Variants in OCIAD1 observed in about 807,000 individuals in gnomAD.
OCIAD1 encodes OCIA domain-containing protein 1.
Under a neutral mutation model 38.9 loss-of-function variants are expected in OCIAD1, and 29 were observed. The observed-to-expected ratio is 0.74, with a 90% CI of 0.55 to 1.02. The LOEUF (loss-of-function observed/expected upper bound fraction) is 1.02, where lower values mean the gene tolerates loss of function less well. OCIAD1 is among the 50% of genes least tolerant of loss of function. OCIAD1 has a pLI of 0.00. For missense variants in OCIAD1, 288 were observed against 289.6 expected, an observed-to-expected ratio of 0.99 and a Z score of 0.04; for synonymous variants, 110 against 92.0, an observed-to-expected ratio of 1.20 and a Z score of -1.12.
At chr4:48,832,066 A>C (rs1777556022) in intron 1 of OCIAD1, among the ~76,000 whole-genome samples, 1 of 152,208 alleles carries the variant, frequency 6.6e-6, no homozygotes, top group South Asian at 2.1e-4. Flanking sequence ...AAATTTGGAG[A>C]TACAGAATTT....
chr4:48,835,147 T>C (rs1463154752), intron 3 of OCIAD1, among the ~76,000 whole-genome samples: 1 of 152,180 alleles, frequency 6.6e-6, no homozygotes, highest in Non-Finnish European at 1.5e-5. Flanking sequence ...TTGGCCAGGC[T>C]GATCTCGAAC....
chr4:48,851,149 A>G (rs558287818), intron 6 of OCIAD1, among the ~76,000 whole-genome samples: 3 of 152,348 alleles, frequency 2.0e-5, no homozygotes, highest in African/African-American at 7.2e-5. Flanking sequence ...CTGTGATATT[A>G]CCTTCTCAAT....
chr4:48,818,563 C>T (rs184802484), intron 1 of OCIAD1, among the ~76,000 whole-genome samples: 272 of 152,228 alleles, frequency 1.8e-3, no homozygotes, highest in Admixed American at 3.6e-3. Flanking sequence ...CAAAACTGGA[C>T]GGAGAATGAG....
At chr4:48,835,487 G>C (rs148905817) in intron 3 of OCIAD1, among the ~76,000 whole-genome samples, 23 of 152,194 alleles carry the variant, frequency 1.5e-4, no homozygotes, top group African/African-American at 4.6e-4. Context: ...TGGAATACCT[G>C]AGTTGGAAAA....
Position 48,857,303 on chromosome 4 carries a change from C to A in OCIAD1, c.638C>A (p.Ser213Tyr). 1 of 1,600,690 alleles carries A rather than the reference C, an allele frequency of 6.2e-7. No homozygotes were observed. Among genetic ancestry groups the A allele is most frequent in the African/African-American group, 1.3e-5 (1 of 74,404 alleles). ...RNKNRESYEV[S>Y]LTQKTDPSVR... Reference sequence around the variant, plus strand: ...AAGAACAGAGAGTCATATGAAGTATCTTTAACACAAAAGACTGACCCCTCA... The same window carrying A: ...AAGAACAGAGAGTCATATGAAGTATATTTAACACAAAAGACTGACCCCTCA... Residue 213 changes from serine to tyrosine, a missense_variant, in exon 8 of 9, where the codon TCT becomes TAT. Physicochemically the swap from Ser to Tyr is moderately radical, Grantham distance 144. Coordinates refer to ENST00000264312, the MANE Select transcript of OCIAD1 (RefSeq NM_017830.4).
chr4:48,852,882 G>GTTTTTTTTTTT, intron 7 of OCIAD1, among the ~76,000 whole-genome samples: 1 of 126,338 alleles, frequency 7.9e-6, no homozygotes, highest in Non-Finnish European at 1.7e-5. Context: ...TTTGTTTTTT[G>GTTTTTTTTTTT]TTTTTTTTTT....
intron 3 of OCIAD1, among the ~76,000 whole-genome samples, chr4:48,840,136 A>G (rs1280579801): frequency 6.6e-6 from 1 of 152,236 alleles, no homozygotes; most frequent in Non-Finnish European, 1.5e-5. Context: ...TAGCATGAGA[A>G]GAAGCTATGC....
chr4:48,817,500 C>T (rs1163101947), intron 1 of OCIAD1, among the ~76,000 whole-genome samples: 1 of 152,156 alleles, frequency 6.6e-6, no homozygotes, highest in Non-Finnish European at 1.5e-5. Flanking sequence ...AACTGGGGGG[C>T]TGTTTGGGCA....
chr4:48,849,799 T>A, intron 5 of OCIAD1, 148 bp from the exon 6 acceptor site: 1 of 663,478 alleles, frequency 1.5e-6, no homozygotes, highest in Non-Finnish European at 2.5e-6. Flanking sequence ...TTAATTTTGA[T>A]TTCTTCTACC....
chr4:48,835,152 T>A (rs1777870459), intron 3 of OCIAD1, among the ~76,000 whole-genome samples: 1 of 152,184 alleles, frequency 6.6e-6, no homozygotes, highest in African/African-American at 2.4e-5. Flanking sequence ...CAGGCTGATC[T>A]CGAACTCCTG....
chr4:48,831,396 C>T (rs751308706), intron 1 of OCIAD1, 147 bp downstream of exon 1: 4 of 877,348 alleles, frequency 4.6e-6, no homozygotes, highest in Admixed American at 2.3e-5. Context: ...CTCCTGAGTG[C>T]CGGTGACTGC....
intron 1 of OCIAD1, among the ~76,000 whole-genome samples, chr4:48,807,531 A>T (rs556486602): frequency 6.6e-6 from 1 of 152,316 alleles, no homozygotes; most frequent in East Asian, 1.9e-4. Context: ...AGTGTTTAGA[A>T]CAGTACCTGA....
At chr4:48,835,713 G>A (rs1361849265) in intron 3 of OCIAD1, among the ~76,000 whole-genome samples, 1 of 152,152 alleles carries the variant, frequency 6.6e-6, no homozygotes, top group African/African-American at 2.4e-5. Context: ...GGAATTTCAA[G>A]CATGAGCCAC....
At chr4:48,823,306 C>T (rs145703424) in intron 1 of OCIAD1, among the ~76,000 whole-genome samples, 3,193 of 152,028 alleles carry the variant, frequency 0.021, 31 homozygotes, top group Middle Eastern at 0.037. Context: ...AACCAAACAC[C>T]GCATGTTCTC....
intron 5 of OCIAD1, among the ~76,000 whole-genome samples, chr4:48,849,415 T>C (rs1176691339): frequency 6.6e-6 from 1 of 152,200 alleles, no homozygotes; most frequent in African/African-American, 2.4e-5. Context: ...TTGAAACTCA[T>C]GTGATGCAGT....
intron 4 of OCIAD1, among the ~76,000 whole-genome samples, chr4:48,847,567 C>G (rs555853388): frequency 6.6e-6 from 1 of 152,126 alleles, no homozygotes; most frequent in Non-Finnish European, 1.5e-5. Context: ...TTTAAGCCAT[C>G]TGGATTATTG....
chr4:48,831,333 C>T, intron 1 of OCIAD1, 84 bp downstream of exon 1: 1 of 423,968 alleles, frequency 2.4e-6, no homozygotes, highest in South Asian at 1.8e-5. Flanking sequence ...ACTTTCGCAC[C>T]TTCCGCCATT....
chr4:48,818,607 TG>T (rs1288686621), intron 1 of OCIAD1, among the ~76,000 whole-genome samples: 2 of 152,124 alleles, frequency 1.3e-5, no homozygotes, highest in Non-Finnish European at 2.9e-5. Context: ...CTTCAGAAGA[TG>T]GGTAATAACA....
chr4:48,838,878 A>G (rs1453662273), intron 3 of OCIAD1, among the ~76,000 whole-genome samples: 2 of 152,210 alleles, frequency 1.3e-5, no homozygotes, highest in African/African-American at 4.8e-5. Flanking sequence ...AATCTGAAAT[A>G]TAACTATGAA....
Sources: allele counts gnomAD v4.1 joint callset (sites outside exome capture counted in the v4.1 genomes callset), GRCh38; gene constraint gnomAD v4.1.1; transcripts MANE v1.5; gene names NCBI Gene and HGNC (gene_info 2026-07-23, HGNC 2026-07-21).